Variants in THADA observed in about 807,000 individuals in gnomAD.
THADA encodes THADA armadillo repeat containing.
In THADA, 213 loss-of-function variants were observed where a neutral mutation model predicts 219.8. The ratio of observed to expected loss-of-function variants is 0.97; its 90% CI spans 0.87 to 1.09. The LOEUF (loss-of-function observed/expected upper bound fraction) is 1.09. Ranked by LOEUF, THADA falls within the 50% of genes least tolerant of loss-of-function variation. The pLI is 0.00. For missense variants in THADA, 2,956 were observed against 2,311.3 expected, an observed-to-expected ratio of 1.28 and a Z score of -5.72; for synonymous variants, 1,018 against 828.9, an observed-to-expected ratio of 1.23 and a Z score of -3.92.
intron 25 of THADA, among the ~76,000 whole-genome samples, chr2:43,493,950 C>T (rs1181303533): frequency 6.6e-6 from 1 of 152,172 alleles, no homozygotes; most frequent in Non-Finnish European, 1.5e-5. Context: ...CATGACTCCC[C>T]TGCTATAAAT....
rs773608979 is a variant in THADA at position 43,498,801 on chromosome 2, A to T, written c.3744+32T>A. ...TAAAACCTACTCAGAAGCATAATTA[A>T]ATCAATGAAAATAAATAGTGACAGC... On this transcript the variant is annotated intron_variant, in intron 25 of 37. Transcript: ENST00000405975. 1.1e-5 allele frequency: 17 copies of T among 1,603,338 alleles called. No individual in the cohort carries two copies. The South Asian group carries it at 1.7e-4, about 16-fold the overall frequency.
At chr2:43,341,074 T>C (rs914618258) in intron 30 of THADA, among the ~76,000 whole-genome samples, 2 of 152,174 alleles carry the variant, frequency 1.3e-5, no homozygotes, top group African/African-American at 2.4e-5. Flanking sequence ...TCTGGCAGTA[T>C]GTTTTCCTTC....
chr2:43,417,735 A>C (rs1677174857), intron 28 of THADA, among the ~76,000 whole-genome samples: 1 of 152,242 alleles, frequency 6.6e-6, no homozygotes, highest in African/African-American at 2.4e-5. Flanking sequence ...TAAGAGCTAG[A>C]ATAGCTAAAG....
intron 36 of THADA, among the ~76,000 whole-genome samples, chr2:43,234,981 ACT>A (rs1667864669): frequency 8.3e-6 from 1 of 120,884 alleles, no homozygotes; most frequent in South Asian, 2.5e-4. Context: ...TGGGTTTATC[ACT>A]CTTTTTTTTT....
intron 29 of THADA, among the ~76,000 whole-genome samples, chr2:43,358,368 C>G (rs1253536501): frequency 1.3e-5 from 2 of 151,620 alleles, no homozygotes; most frequent in African/African-American, 2.4e-5. Flanking sequence ...TTGACATTCC[C>G]AAGGCTCTTC....
chr2:43,420,800 A>G (rs1677613588), intron 28 of THADA, among the ~76,000 whole-genome samples: 1 of 152,234 alleles, frequency 6.6e-6, no homozygotes, highest in Non-Finnish European at 1.5e-5. Context: ...TGCCAGAACT[A>G]TTTGCAAAAA....
At chr2:43,269,059 C>A (rs1572849797) in intron 36 of THADA, among the ~76,000 whole-genome samples, 1 of 152,204 alleles carries the variant, frequency 6.6e-6, no homozygotes, top group Non-Finnish European at 1.5e-5. Flanking sequence ...TGTGATATGG[C>A]CTTGCTGAGG....
At chr2:43,508,940 A>G (rs1414255094) in intron 22 of THADA, among the ~76,000 whole-genome samples, 160 bp from the exon 23 acceptor site, 1 of 152,146 alleles carries the variant, frequency 6.6e-6, no homozygotes, top group Non-Finnish European at 1.5e-5. Flanking sequence ...TTTCCTCTTT[A>G]TTATGGGTCT....
intron 29 of THADA, among the ~76,000 whole-genome samples, chr2:43,374,637 A>G (rs1353398561): frequency 1.3e-5 from 2 of 152,230 alleles, no homozygotes; most frequent in Non-Finnish European, 2.9e-5. Flanking sequence ...AACCTTTAAA[A>G]TGTAATGCTG....
At chr2:43,262,582 A>G (rs1370447922) in intron 36 of THADA, among the ~76,000 whole-genome samples, 2 of 152,256 alleles carry the variant, frequency 1.3e-5, no homozygotes, top group Non-Finnish European at 2.9e-5. Context: ...CAGGATTACC[A>G]AAAGACACAT....
At chr2:43,471,693 CACTT>C (rs1185251010) in intron 26 of THADA, among the ~76,000 whole-genome samples, 3 of 152,102 alleles carry the variant, frequency 2.0e-5, no homozygotes, top group Non-Finnish European at 4.4e-5. Context: ...AACAATCAAA[CACTT>C]ACTTGAGTTA....
At chr2:43,474,643 G>C (rs1685295775) in intron 26 of THADA, among the ~76,000 whole-genome samples, 1 of 151,774 alleles carries the variant, frequency 6.6e-6, no homozygotes, top group African/African-American at 2.4e-5. Context: ...AGAAGGCTTT[G>C]CTTATAGGGG....
Position 43,574,769 on chromosome 2 carries a change from G to A in THADA, c.1296C>T (p.Val432=). The A allele has an allele frequency of 6.2e-7, 1 of 1,614,006 alleles. No homozygotes were observed. The highest frequency in any genetic ancestry group is 8.5e-7 in the Non-Finnish European group (1 of 1,179,902). The change falls in exon 11 of 38, where the codon GTC becomes GTT. Residue 432 remains valine (V), a synonymous_variant. Coordinates refer to ENST00000405975, the MANE Select transcript of THADA (RefSeq NM_022065.5). ...TCAATTCCACAAAGAAAGGATCAGG[G>A]ACGAAATCTGCACCTTCCACAGTGA... The part of the protein sequence containing the change: ...HRLTVEGADF[V]PDPFFVELTE...
intron 29 of THADA, among the ~76,000 whole-genome samples, chr2:43,346,075 C>G (rs1414432025): frequency 6.6e-6 from 1 of 151,798 alleles, no homozygotes; most frequent in Non-Finnish European, 1.5e-5. Context: ...AAATGGAGAG[C>G]CAGGTACGCT....
In THADA at chr2:43,431,629, A is replaced by C. The variant is rs1189929027; in HGVS notation, c.3837-1327T>G. On this transcript the variant is annotated intron_variant, in intron 26 of 37. Transcript: ENST00000405975. Reference sequence around the variant, plus strand: ...TACAGGCGCCCGCCACCACGCCCGGATAATTTTTTGTACTTTTTTTTTTTT... The same window carrying C: ...TACAGGCGCCCGCCACCACGCCCGGCTAATTTTTTGTACTTTTTTTTTTTT... Among the ~76,000 whole-genome samples the C allele has an allele frequency of 5.2e-3, 369 of 70,506 alleles. No individual in the cohort carries two copies. In the Middle Eastern group the frequency reaches 0.08, roughly 15 times the overall value. 46.3% of individuals were successfully genotyped at this position (70,506 alleles called of 152,430 possible). A position where few individuals can be genotyped will look rare whatever the true frequency, so the allele number is the denominator to read the frequency against.
chr2:43,241,287 C>T (rs1218490241), intron 36 of THADA, among the ~76,000 whole-genome samples: 1 of 151,764 alleles, frequency 6.6e-6, no homozygotes, highest in African/African-American at 2.4e-5. Context: ...ACGGGTTTTG[C>T]CACGTGGCCC....
intron 36 of THADA, among the ~76,000 whole-genome samples, chr2:43,253,432 C>G (rs556295570): frequency 6.6e-6 from 1 of 152,138 alleles, no homozygotes; most frequent in Non-Finnish European, 1.5e-5. Flanking sequence ...TGGCTCTAAC[C>G]TCCCACTACT....
chr2:43,576,681 A>T (rs902430082), intron 10 of THADA, among the ~76,000 whole-genome samples: 4 of 152,236 alleles, frequency 2.6e-5, no homozygotes, highest in East Asian at 3.9e-4. Context: ...TTAAGACAGG[A>T]TCTCACTCTG....
rs144782948 is a variant in THADA, at chr2:43,406,483, T to C, written c.4059-8344A>G. 5.8e-3 allele frequency among the ~76,000 whole-genome samples: 884 copies of C among 152,342 alleles called. 3 individuals are homozygous for C. Among genetic ancestry groups the C allele is most frequent in the Non-Finnish European group, 9.5e-3 (643 of 68,020 alleles). ...TTTTGAGACAACAACAAATACAATT[T>C]GAAACTGAATTTTTCAGATTCCAAC... is the stretch of plus-strand genomic sequence containing the variant. On this transcript the variant is annotated intron_variant, in intron 28 of 37. Coordinates refer to ENST00000405975, the MANE Select transcript of THADA (RefSeq NM_022065.5).
Sources: gnomAD v4.1 joint callset for allele counts (sites outside exome capture counted in the v4.1 genomes callset) on GRCh38, gnomAD v4.1.1 for gene constraint, MANE v1.5 for transcripts, NCBI Gene and HGNC (gene_info 2026-07-23, HGNC 2026-07-21) for gene names.